PRKCA: variants seen among roughly 807,000 people sequenced by gnomAD.
PRKCA encodes the protein protein kinase C alpha type.
Under a neutral mutation model 87.0 loss-of-function variants are expected in PRKCA, and 27 were observed. The ratio of observed to expected loss-of-function variants is 0.31; its 90% confidence interval spans 0.23 to 0.43. The LOEUF (loss-of-function observed/expected upper bound fraction) is 0.43. Among genes scored for constraint, PRKCA ranks in the 20% least tolerant of loss-of-function variants. PRKCA has a pLI of 1.00. For missense variants in PRKCA, 518 were observed against 852.3 expected (o/e 0.61, Z 4.88); for synonymous variants, 329 against 311.1 (o/e 1.06, Z -0.61).
intron 13 of PRKCA, among the ~76,000 whole-genome samples, chr17:66,769,760 C>G (rs983989211): frequency 6.6e-6 from 1 of 152,186 alleles, no homozygotes; most frequent in Non-Finnish European, 1.5e-5. Flanking sequence ...GAGAACAGCC[C>G]TAAGCCAAGA....
intron 11 of PRKCA, 66 bp downstream of exon 11, chr17:66,738,921 T>G: frequency 7.5e-7 from 1 of 1,331,668 alleles, no homozygotes; most frequent in Non-Finnish European, 1.1e-6. Flanking sequence ...AACTTCCTTT[T>G]TTCCCCCCCG....
At chr17:66,684,661 TAC>T in intron 5 of PRKCA, among the ~76,000 whole-genome samples, 1 of 152,364 alleles carries the variant, frequency 6.6e-6, no homozygotes, top group East Asian at 1.9e-4. Flanking sequence ...GAAGAGATCT[TAC>T]TTAAATGATT....
chr17:66,424,066 G>A (rs1019360501), intron 2 of PRKCA, among the ~76,000 whole-genome samples: 14 of 152,190 alleles, frequency 9.2e-5, no homozygotes, highest in African/African-American at 3.4e-4. Context: ...GGGAGGCTCT[G>A]GAGGAGGACC....
At chr17:66,729,379 G>A (rs112646765) in intron 8 of PRKCA, among the ~76,000 whole-genome samples, 35,581 of 152,058 alleles carry the variant, frequency 0.23, 4,843 homozygotes, top group Middle Eastern at 0.33. Context: ...ACTCCAGCCT[G>A]GGTGACAAGA....
chr17:66,392,147 G>A (rs1598635010), intron 2 of PRKCA, among the ~76,000 whole-genome samples: 2 of 151,880 alleles, frequency 1.3e-5, no homozygotes, highest in East Asian at 3.9e-4. Context: ...GGAGAATGGT[G>A]TGAACCCGGG....
intron 2 of PRKCA, among the ~76,000 whole-genome samples, chr17:66,420,694 A>G (rs1267772897): frequency 1.3e-5 from 2 of 152,108 alleles, no homozygotes; most frequent in East Asian, 3.9e-4. Flanking sequence ...GTTTTTCGGG[A>G]TGTAACCCAT....
chr17:66,366,681 G>A (rs1370372221), intron 2 of PRKCA, among the ~76,000 whole-genome samples: 1 of 152,154 alleles, frequency 6.6e-6, no homozygotes, highest in Non-Finnish European at 1.5e-5. Flanking sequence ...TGGGTAGAGC[G>A]AGCTATAGGT....
intron 5 of PRKCA, among the ~76,000 whole-genome samples, chr17:66,669,858 C>T (rs959898779): frequency 3.3e-5 from 5 of 152,164 alleles, no homozygotes; most frequent in African/African-American, 4.8e-5. Flanking sequence ...GCTGAGATTG[C>T]GCCACTGCAC....
intron 2 of PRKCA, among the ~76,000 whole-genome samples, chr17:66,408,866 A>G (rs1322187386): frequency 6.6e-6 from 1 of 151,774 alleles, no homozygotes; most frequent in Non-Finnish European, 1.5e-5. Context: ...AGCCTGGCCA[A>G]CACGATGAAA....
At chr17:66,545,302 G>A (rs1470911095) in intron 3 of PRKCA, among the ~76,000 whole-genome samples, 2 of 152,160 alleles carry the variant, frequency 1.3e-5, no homozygotes, top group Non-Finnish European at 2.9e-5. Context: ...GGTGGCGGGT[G>A]CCTGTAGTCC....
At chr17:66,707,690 C>T (rs1158864739) in intron 8 of PRKCA, among the ~76,000 whole-genome samples, 1 of 152,162 alleles carries the variant, frequency 6.6e-6, no homozygotes, top group Non-Finnish European at 1.5e-5. Context: ...CAGAACCTTG[C>T]TCTTGGGAAC....
chr17:66,418,532 C>A (rs183607044), intron 2 of PRKCA, among the ~76,000 whole-genome samples: 477 of 148,806 alleles, frequency 3.2e-3, no homozygotes, highest in Admixed American at 0.011. Context: ...GCCTCCCGGG[C>A]TCAAGCAATT....
intron 2 of PRKCA, among the ~76,000 whole-genome samples, chr17:66,470,105 C>G (rs1044860920): frequency 6.6e-6 from 1 of 151,232 alleles, no homozygotes; most frequent in African/African-American, 2.4e-5. Flanking sequence ...AGGAAGAGGC[C>G]ACAGAAATGA....
chr17:66,581,821 T>G (rs114463231), intron 3 of PRKCA, among the ~76,000 whole-genome samples: 2,322 of 152,332 alleles, frequency 0.015, 66 homozygotes, highest in African/African-American at 0.053. Flanking sequence ...CAGGATGAGC[T>G]GAGAACATTT....
rs1394284373 is a variant in PRKCA, at chr17:66,401,041, T to A, written c.205+94914T>A. On this transcript the variant is annotated intron_variant, in intron 2 of 16. Transcript: ENST00000413366. ...CTTTTTGCTTATAATTTAGTACAAA[T>A]GTTCTCAGTTCAGTTAATAATGAGT... is the stretch of plus-strand genomic sequence containing the variant. Among the ~76,000 whole-genome samples, 3 of 152,324 alleles carry A rather than the reference T, an allele frequency of 2.0e-5. No individual in the cohort carries two copies. The East Asian group carries it at 5.8e-4, about 29-fold the overall frequency.
chr17:66,440,260 C>T lies in PRKCA; in HGVS notation c.206-55941C>T, dbSNP rs575985486. 2.9e-4 allele frequency among the ~76,000 whole-genome samples: 44 copies of T among 152,266 alleles called. No individual in the cohort carries two copies. The South Asian group carries it at 3.3e-3, about 11-fold the overall frequency. On this transcript the variant is annotated intron_variant, in intron 2 of 16. Transcript: ENST00000413366. ...AGTCCAGACCCCATGGTTTTAAGAGCCCCCCACCAGTTCCCTAAAGCTACA... is the reference window on the plus strand; with the variant it reads ...AGTCCAGACCCCATGGTTTTAAGAGTCCCCCACCAGTTCCCTAAAGCTACA...
intron 5 of PRKCA, among the ~76,000 whole-genome samples, chr17:66,653,401 C>G (rs1380448604): frequency 7.4e-6 from 1 of 135,944 alleles, no homozygotes; most frequent in East Asian, 2.2e-4. Context: ...TGAGACAAGT[C>G]TGGGCAACAG....
intron 2 of PRKCA, among the ~76,000 whole-genome samples, chr17:66,467,407 A>G (rs1179490567): frequency 6.6e-6 from 1 of 152,228 alleles, no homozygotes; most frequent in African/African-American, 2.4e-5. Context: ...CCTCATCTGT[A>G]AATGATGGCT....
In PRKCA at chr17:66,798,402, T is replaced by C. The variant is rs1416959230; in HGVS notation, c.1855-5471T>C. On this transcript the variant is annotated intron_variant, in intron 16 of 16. Coordinates refer to ENST00000413366, the MANE Select transcript of PRKCA (RefSeq NM_002737.3). ...GCGGTGGTGGTGGTGGTGGTGGTGG[T>C]GGTGATGGTGATGGTGGTGGTGGTG... Among the ~76,000 whole-genome samples the C allele has an allele frequency of 6.9e-5, 4 of 58,054 alleles. No homozygotes were observed. In the East Asian group the frequency reaches 2.9e-3, roughly 42 times the overall value. 38.1% of individuals were successfully genotyped at this position (58,054 alleles called of 152,430 possible). A position where few individuals can be genotyped will look rare whatever the true frequency, so the allele number is the denominator to read the frequency against.
Sources: gnomAD v4.1 joint callset for allele counts (sites outside exome capture counted in the v4.1 genomes callset) on GRCh38, gnomAD v4.1.1 for gene constraint, MANE v1.5 for transcripts, NCBI Gene and HGNC (gene_info 2026-07-23, HGNC 2026-07-21) for gene names.